Variants in SNX13 observed in about 807,000 individuals in gnomAD.
The protein encoded by SNX13 is sorting nexin-13.
A neutral mutation model predicts 133.6 loss-of-function variants in SNX13; 45 were observed. The ratio of observed to expected loss-of-function variants is 0.34; its 90% confidence interval spans 0.27 to 0.43. SNX13 has a LOEUF of 0.43. Ranked by LOEUF, SNX13 falls within the 20% of genes least tolerant of loss-of-function variation. The pLI is 1.00. For synonymous variants in SNX13, 414 were observed against 373.9 expected (o/e 1.11, Z -1.24); for missense variants, 1,032 against 1,145.1 (o/e 0.90, Z 1.43).
chr7:17,873,669 T>C (rs1794374220), intron 7 of SNX13, 53 bp from the exon 8 acceptor site: 1 of 1,085,520 alleles, frequency 9.2e-7, no homozygotes, highest in African/African-American at 1.6e-5. Context: ...AAGTCTACAC[T>C]TCCTCTTGAT....
At position 17,800,460 on chromosome 7, in the gene SNX13, TCA is replaced by T. The variant is rs1784496435; in HGVS notation, c.2298+1126_2298+1127del. Among the ~76,000 whole-genome samples the T allele has an allele frequency of 1.3e-4, 19 of 151,794 alleles. No individual in the cohort carries two copies. The South Asian group carries it at 3.7e-3, about 30-fold the overall frequency. Reference sequence around the variant, plus strand: ...GCCTTTTCAGTAAATGGTGCTTGGATCAACTGGACCCATACTTCAATCCATAT... The same window carrying T: ...GCCTTTTCAGTAAATGGTGCTTGGATACTGGACCCATACTTCAATCCATAT... On this transcript the variant is annotated intron_variant, in intron 22 of 25. Coordinates refer to ENST00000428135, the MANE Select transcript of SNX13 (RefSeq NM_015132.5).
At chr7:17,902,280 C>G (rs1054249139) in intron 1 of SNX13, among the ~76,000 whole-genome samples, 1 of 94,542 alleles carries the variant, frequency 1.1e-5, no homozygotes, top group Non-Finnish European at 2.1e-5. Context: ...AAAAAAGATT[C>G]TTTCCTTAAT....
chr7:17,861,044 C>T (rs1428461669), intron 9 of SNX13, among the ~76,000 whole-genome samples: 1 of 151,882 alleles, frequency 6.6e-6, no homozygotes, highest in Non-Finnish European at 1.5e-5. Context: ...GTGATGGGGT[C>T]TTGCTCTGTT....
intron 2 of SNX13, among the ~76,000 whole-genome samples, 193 bp from the exon 3 acceptor site, chr7:17,893,627 G>T (rs779295252): frequency 5.3e-5 from 8 of 152,150 alleles, no homozygotes; most frequent in Non-Finnish European, 1.0e-4. Context: ...TGAACATTTT[G>T]TGAATTATAC....
At position 17,793,892 on chromosome 7, in the gene SNX13, G is replaced by A. The variant is rs1426650082; in HGVS notation, c.*153C>T. 1.3e-6 allele frequency: 1 copy of A among 754,672 alleles called. No individual in the cohort carries two copies. The highest frequency in any genetic ancestry group is 1.8e-5 in the African/African-American group (1 of 56,026). The allele number at this position is 754,672 out of a possible 1,614,324, so 46.7% of individuals were successfully genotyped here. A position where few individuals can be genotyped will look rare whatever the true frequency, so the allele number is the denominator to read the frequency against. ...GTAGTGGTGGATTATAGATGAGAATGAGAAGAACCACAGACTTATGGATGT... is the reference window on the plus strand; with the variant it reads ...GTAGTGGTGGATTATAGATGAGAATAAGAAGAACCACAGACTTATGGATGT... On this transcript the variant is annotated 3_prime_UTR_variant, in exon 26 of 26. Transcript: ENST00000428135.
chr7:17,823,373 C>T (rs1055287886), intron 17 of SNX13, among the ~76,000 whole-genome samples: 18 of 152,100 alleles, frequency 1.2e-4, no homozygotes, highest in African/African-American at 4.3e-4. Flanking sequence ...TAAACGTGGT[C>T]AAGTTCTGGG....
At chr7:17,910,696 T>C (rs1330073836) in intron 1 of SNX13, among the ~76,000 whole-genome samples, 1 of 152,208 alleles carries the variant, frequency 6.6e-6, no homozygotes, top group Non-Finnish European at 1.5e-5. Context: ...AATTGTGGTA[T>C]CTACCTATAA....
intron 9 of SNX13, among the ~76,000 whole-genome samples, chr7:17,864,862 A>T (rs1026985870): frequency 6.6e-6 from 1 of 152,078 alleles, no homozygotes; most frequent in African/African-American, 2.4e-5. Flanking sequence ...AGCAGCAGCA[A>T]ATAACACAAA....
At chr7:17,873,670 T>A in intron 7 of SNX13, 54 bp from the exon 8 acceptor site, 2 of 1,088,752 alleles carry the variant, frequency 1.8e-6, no homozygotes, top group Non-Finnish European at 2.6e-6. Flanking sequence ...AGTCTACACT[T>A]CCTCTTGATA....
chr7:17,927,319 T>A (rs1800875868), intron 1 of SNX13, among the ~76,000 whole-genome samples: 1 of 151,938 alleles, frequency 6.6e-6, no homozygotes, highest in Non-Finnish European at 1.5e-5. Context: ...CATAGCTCAC[T>A]GCAGCCTCCA....
At chr7:17,875,382 C>T in intron 7 of SNX13, 98 bp downstream of exon 7, 2 of 868,004 alleles carry the variant, frequency 2.3e-6, no homozygotes, top group African/African-American at 1.7e-5. Flanking sequence ...GCTACCTGCC[C>T]TAAGTAAGAA....
At chr7:17,838,902 A>G (rs905275521) in intron 13 of SNX13, among the ~76,000 whole-genome samples, 9 of 151,430 alleles carry the variant, frequency 5.9e-5, no homozygotes, top group Non-Finnish European at 1.3e-4. Flanking sequence ...AATAATGTGT[A>G]TTTTGCTTTC....
intron 24 of SNX13, 130 bp downstream of exon 24, chr7:17,798,559 CT>C: frequency 6.3e-6 from 4 of 633,814 alleles, no homozygotes; most frequent in African/African-American, 1.9e-5. Flanking sequence ...TCTTAGAAGT[CT>C]TTTTGCTCAT....
intron 18 of SNX13, among the ~76,000 whole-genome samples, chr7:17,818,149 C>A (rs566030192): frequency 6.6e-6 from 1 of 152,182 alleles, no homozygotes; most frequent in African/African-American, 2.4e-5. Context: ...CGAGGCCTCA[C>A]GACAAACCAA....
chr7:17,890,466 T>C lies in SNX13; in HGVS notation c.337A>G (p.Arg113Gly). The change falls in exon 5 of 26, where the codon AGG (arginine) becomes GGG (glycine). Residue 113 changes from arginine (R) to glycine (G), a missense_variant. Coordinates refer to ENST00000428135, the MANE Select transcript of SNX13 (RefSeq NM_015132.5). ...TAATACCAATACTGGACATAATCCC[T>C]CAAGGAAAACTGGATAACCTATAAC... ...PLQQVIQFSL[R>G]DYVQYWYYTL... 1 of 1,581,284 alleles carries C rather than the reference T, an allele frequency of 6.3e-7. No homozygotes were observed. The highest frequency in any genetic ancestry group is 8.6e-7 in the Non-Finnish European group (1 of 1,164,092).
chr7:17,903,453 A>C (rs1356990648), intron 1 of SNX13, among the ~76,000 whole-genome samples: 1 of 152,322 alleles, frequency 6.6e-6, no homozygotes, highest in East Asian at 1.9e-4. Flanking sequence ...CATAGTGCTC[A>C]AAAACTACAG....
At chr7:17,902,998 G>A (rs554925180) in intron 1 of SNX13, among the ~76,000 whole-genome samples, 127 of 152,248 alleles carry the variant, frequency 8.3e-4, no homozygotes, top group African/African-American at 2.8e-3. Flanking sequence ...CCACCTCGCA[G>A]GCCATGGAAA....
At chr7:17,817,018 G>A (rs937424945) in intron 18 of SNX13, among the ~76,000 whole-genome samples, 1 of 152,132 alleles carries the variant, frequency 6.6e-6, no homozygotes, top group Non-Finnish European at 1.5e-5. Context: ...ATAACCCCGT[G>A]TATACACAAT....
chr7:17,841,085 C>T (rs1428913494), intron 12 of SNX13, among the ~76,000 whole-genome samples: 1 of 152,050 alleles, frequency 6.6e-6, no homozygotes, highest in Non-Finnish European at 1.5e-5. Context: ...ACAACTTGTC[C>T]TTCAAATATT....
Sources: gnomAD v4.1 joint callset for allele counts (sites outside exome capture counted in the v4.1 genomes callset) on GRCh38, gnomAD v4.1.1 for gene constraint, MANE v1.5 for transcripts, NCBI Gene and HGNC (gene_info 2026-07-23, HGNC 2026-07-21) for gene names.